Variants in ZNF804B observed in about 807,000 individuals in gnomAD.
ZNF804B encodes zinc finger protein 804B, also known as zinc finger 804B.
ZNF804B carries 80 observed loss-of-function variants against 101.4 expected under a neutral mutation model. That is an observed-to-expected ratio of 0.79 (90% CI 0.66 to 0.95). The LOEUF (loss-of-function observed/expected upper bound fraction) is 0.95, where lower values mean the gene tolerates loss of function less well. ZNF804B is among the 40% of genes least tolerant of loss of function. The pLI is 0.00. For missense variants in ZNF804B, 1,673 were observed against 1,561.9 expected (o/e 1.07, Z -1.20); for synonymous variants, 622 against 558.8 (o/e 1.11, Z -1.59).
intron 1 of ZNF804B, among the ~76,000 whole-genome samples, chr7:89,155,119 CCTGATGCTTTCAAAAA>C (rs942621717): frequency 3.9e-5 from 6 of 152,024 alleles, no homozygotes; most frequent in African/African-American, 9.7e-5. Flanking sequence ...CCGGCTCCAC[CCTGATGCTTTCAAAAA>C]CTACCTATTT....
In ZNF804B at chr7:89,099,730, G is replaced by T. The variant is rs5007194; in HGVS notation, c.109-118425G>T. On this transcript the variant is annotated intron_variant, in intron 1 of 3. Transcript: ENST00000333190. ...TGAGGTAAGCCATCATCCCATCTAG[G>T]TGAACTTGTAAGAATAAGGCAAACT... Among the ~76,000 whole-genome samples, 8 of 152,240 alleles carry T rather than the reference G, an allele frequency of 5.3e-5. No homozygotes were observed. The East Asian group carries it at 1.5e-3, about 29-fold the overall frequency.
intron 1 of ZNF804B, among the ~76,000 whole-genome samples, chr7:88,769,904 T>C (rs1790037025): frequency 6.6e-6 from 1 of 152,160 alleles, no homozygotes; most frequent in African/African-American, 2.4e-5. Flanking sequence ...TTGGTCTTCT[T>C]CTAAATAATA....
In ZNF804B at chr7:89,298,216, GTATATATATATATA is replaced by G. The variant is rs1171165341; in HGVS notation, c.250-29099_250-29086del. Among the ~76,000 whole-genome samples, 203 of 27,526 alleles carry G rather than the reference GTATATATATATATA, an allele frequency of 7.4e-3. 5 individuals carry two copies. The highest frequency in any genetic ancestry group is 0.055 in the Admixed American group (90 of 1,624). The allele number at this position is 27,526 out of a possible 152,430, so 18.1% of individuals were successfully genotyped here. ...ATATCTATATAGTGTGTGTGTGTGT[GTATATATATATATA>G]TATATATATATATATATATATATAT... On this transcript the variant is annotated intron_variant, in intron 2 of 3. Transcript: ENST00000333190.
intron 2 of ZNF804B, among the ~76,000 whole-genome samples, chr7:89,233,713 A>G (rs1407873616): frequency 1.3e-5 from 2 of 151,552 alleles, no homozygotes; most frequent in African/African-American, 4.9e-5. Flanking sequence ...ATCTTGGCTC[A>G]CTGCACCCTC....
At chr7:88,767,822 C>T (rs559145066) in intron 1 of ZNF804B, among the ~76,000 whole-genome samples, 8 of 152,346 alleles carry the variant, frequency 5.3e-5, no homozygotes, top group East Asian at 3.9e-4. Flanking sequence ...ATGACATGTT[C>T]GCAGATGTTT....
At chr7:89,247,932 T>C (rs967752668) in intron 2 of ZNF804B, among the ~76,000 whole-genome samples, 2 of 152,130 alleles carry the variant, frequency 1.3e-5, no homozygotes, top group Non-Finnish European at 2.9e-5. Context: ...ATTGAAAAAC[T>C]CACTTAAAGG....
At chr7:89,085,671 A>G (rs572308376) in intron 1 of ZNF804B, among the ~76,000 whole-genome samples, 6 of 151,874 alleles carry the variant, frequency 4.0e-5, no homozygotes, top group African/African-American at 1.4e-4. Context: ...TTTTTTGTCT[A>G]TGTGCAAAGG....
chr7:88,968,911 G>A (rs1793494715), intron 1 of ZNF804B, among the ~76,000 whole-genome samples: 4 of 151,372 alleles, frequency 2.6e-5, no homozygotes, highest in Admixed American at 2.6e-4. Flanking sequence ...CTACATATAT[G>A]TTTATTGTTA....
intron 1 of ZNF804B, among the ~76,000 whole-genome samples, chr7:88,895,411 A>G (rs1429864677): frequency 6.6e-6 from 1 of 152,212 alleles, no homozygotes; most frequent in African/African-American, 2.4e-5. Flanking sequence ...GTTTAGCTTA[A>G]TTAGATACTG....
intron 1 of ZNF804B, among the ~76,000 whole-genome samples, chr7:89,040,897 G>T (rs1284457381): frequency 6.6e-6 from 1 of 151,944 alleles, no homozygotes; most frequent in Non-Finnish European, 1.5e-5. Flanking sequence ...TGCTAAAGTG[G>T]AACTGTTATC....
At chr7:89,144,160 CA>C (rs1790755761) in intron 1 of ZNF804B, among the ~76,000 whole-genome samples, 1 of 151,944 alleles carries the variant, frequency 6.6e-6, no homozygotes, top group South Asian at 2.1e-4. Flanking sequence ...AGAAACAAAA[CA>C]ATTTCAATTT....
chr7:88,794,310 T>C, intron 1 of ZNF804B: 1 of 1,613,886 alleles, frequency 6.2e-7, no homozygotes, highest in South Asian at 1.1e-5. Flanking sequence ...TTATGATTTG[T>C]TCTGGGAGGA....
intron 1 of ZNF804B, among the ~76,000 whole-genome samples, chr7:88,978,572 C>T (rs1793650444): frequency 6.6e-6 from 1 of 151,564 alleles, no homozygotes; most frequent in African/African-American, 2.4e-5. Flanking sequence ...TTTTTCCCTC[C>T]CTTTATTTTC....
At chr7:88,902,291 A>G (rs1044230771) in intron 1 of ZNF804B, among the ~76,000 whole-genome samples, 5 of 152,006 alleles carry the variant, frequency 3.3e-5, no homozygotes, top group African/African-American at 1.2e-4. Context: ...TGTCTTATGC[A>G]TATCTGTTTT....
intron 1 of ZNF804B, among the ~76,000 whole-genome samples, chr7:89,113,110 G>A (rs1790245280): frequency 6.6e-6 from 1 of 152,158 alleles, no homozygotes; most frequent in Admixed American, 6.5e-5. Flanking sequence ...AGAAGAAGTT[G>A]CCCTGGAAGG....
At chr7:88,877,260 G>A (rs985477907) in intron 1 of ZNF804B, among the ~76,000 whole-genome samples, 3 of 150,534 alleles carry the variant, frequency 2.0e-5, no homozygotes, top group Non-Finnish European at 4.4e-5. Flanking sequence ...TCAAGTCTGT[G>A]TAGATACTGA....
chr7:88,816,186 T>G (rs1416374315), intron 1 of ZNF804B, among the ~76,000 whole-genome samples: 1 of 152,128 alleles, frequency 6.6e-6, no homozygotes, highest in African/African-American at 2.4e-5. Flanking sequence ...CAGATTCCCT[T>G]CCTATTACAC....
At chr7:89,245,660 G>C (rs539298760) in intron 2 of ZNF804B, among the ~76,000 whole-genome samples, 10 of 152,232 alleles carry the variant, frequency 6.6e-5, no homozygotes, top group African/African-American at 2.2e-4. Flanking sequence ...GAGGCTTTTA[G>C]CATGCTTCAG....
At chr7:88,827,648 C>G (rs1312356739) in intron 1 of ZNF804B, among the ~76,000 whole-genome samples, 3 of 151,974 alleles carry the variant, frequency 2.0e-5, no homozygotes, top group African/African-American at 7.3e-5. Flanking sequence ...TAACCTCAAA[C>G]TGAATTTGGC....
Sources: gnomAD v4.1 joint callset for allele counts (sites outside exome capture counted in the v4.1 genomes callset) on GRCh38, gnomAD v4.1.1 for gene constraint, MANE v1.5 for transcripts, NCBI Gene and HGNC (gene_info 2026-07-23, HGNC 2026-07-21) for gene names.